MAP2: variants seen among roughly 807,000 people sequenced by gnomAD.
MAP2 encodes the protein microtubule associated protein 2, also known as microtubule-associated protein 2.
In MAP2, 14 loss-of-function variants were observed where a neutral mutation model predicts 137.6. That is an observed-to-expected ratio of 0.10 (90% CI 0.07 to 0.16). The LOEUF (loss-of-function observed/expected upper bound fraction) is 0.16. Ranked by LOEUF, MAP2 falls within the 10% of genes least tolerant of loss-of-function variation. MAP2 has a pLI of 1.00. For missense variants in MAP2, 2,088 were observed against 2,191.5 expected (o/e 0.95, Z 0.94); for synonymous variants, 786 against 782.3 (o/e 1.00, Z -0.08).
intron 1 of MAP2, among the ~76,000 whole-genome samples, chr2:209,493,993 T>C (rs1025601579): frequency 6.6e-6 from 1 of 152,218 alleles, no homozygotes; most frequent in Non-Finnish European, 1.5e-5. Flanking sequence ...TGTATGTTTA[T>C]TGCAGCACTC....
At chr2:209,699,890 A>G (rs1161040501) in intron 10 of MAP2, among the ~76,000 whole-genome samples, 1 of 152,186 alleles carries the variant, frequency 6.6e-6, no homozygotes, top group Non-Finnish European at 1.5e-5. Flanking sequence ...TCTATATATC[A>G]TGTGAACCCC....
At chr2:209,565,631 G>C (rs1002105936) in intron 2 of MAP2, among the ~76,000 whole-genome samples, 4 of 152,072 alleles carry the variant, frequency 2.6e-5, no homozygotes, top group African/African-American at 9.7e-5. Context: ...CTTATCCAAA[G>C]TTTTTTTCTT....
At position 209,693,707 on chromosome 2, in the gene MAP2, A is replaced by T; in HGVS notation, c.1537A>T (p.Thr513Ser). 1 of 1,613,124 alleles carries T rather than the reference A, an allele frequency of 6.2e-7. No individual in the cohort carries two copies. The highest frequency in any genetic ancestry group is 2.2e-5 in the East Asian group (1 of 44,848). The part of the protein sequence containing the change: ...LEQAVTDSAM[T>S]SKTLEKAMTE... ...GCAAGCAGTTACAGATTCAGCCATG[A>T]CCTCTAAAACACTGGAGAAAGCCAT... is the stretch of plus-strand genomic sequence containing the variant. Residue 513 changes from threonine (T) to serine (S), a missense_variant, in exon 8 of 16, where the codon ACC becomes TCC. Physicochemically the swap from Thr to Ser is moderately conservative, Grantham distance 58 (BLOSUM62 1). Transcript: ENST00000682079.
intron 3 of MAP2, among the ~76,000 whole-genome samples, chr2:209,609,361 A>G (rs1218101381): frequency 6.6e-6 from 1 of 152,188 alleles, no homozygotes; most frequent in Non-Finnish European, 1.5e-5. Flanking sequence ...TATAATTCAC[A>G]TATAAAAATT....
chr2:209,648,788 C>CAA (rs767514301), intron 4 of MAP2, among the ~76,000 whole-genome samples: 1,844 of 80,384 alleles, frequency 0.023, 78 homozygotes, highest in African/African-American at 0.075. Context: ...GACTCCGTCT[C>CAA]AAAAAAAAAA....
chr2:209,612,523 G>T (rs2087319503), intron 3 of MAP2, among the ~76,000 whole-genome samples: 1 of 152,138 alleles, frequency 6.6e-6, no homozygotes, highest in Non-Finnish European at 1.5e-5. Flanking sequence ...TCAGGAAATT[G>T]GGAGCCAGAA....
intron 2 of MAP2, 126 bp from the exon 3 acceptor site, chr2:209,579,910 C>G (rs867443606): frequency 2.0e-5 from 3 of 151,722 alleles, no homozygotes; most frequent in Non-Finnish European, 2.9e-5. Context: ...CTACAGACCT[C>G]CAGGCATAGA....
Position 209,730,507 on chromosome 2 carries a change from C to A in MAP2, c.*110C>A. The A allele has an allele frequency of 1.4e-6, 1 of 737,184 alleles. No individual in the cohort carries two copies. The highest frequency in any genetic ancestry group is 2.2e-6 in the Non-Finnish European group (1 of 449,202). The allele number at this position is 737,184 out of a possible 1,614,324, so 45.7% of individuals were successfully genotyped here. A position where few individuals can be genotyped will look rare whatever the true frequency, so the allele number is the denominator to read the frequency against. ...CTTTATAAACCATAAAATAAATAAT[C>A]TCATCCCCAAACTGTAGTAATTGTT... On this transcript the variant is annotated 3_prime_UTR_variant, in exon 16 of 16. Transcript: ENST00000682079.
At chr2:209,429,784 T>C (rs1693746278) in intron 1 of MAP2, among the ~76,000 whole-genome samples, 1 of 152,174 alleles carries the variant, frequency 6.6e-6, no homozygotes, top group South Asian at 2.1e-4. Context: ...TTTAGGTGGC[T>C]ACTACCTTTG....
chr2:209,451,635 C>T (rs1559178219), intron 1 of MAP2, among the ~76,000 whole-genome samples: 1 of 152,190 alleles, frequency 6.6e-6, no homozygotes, highest in Non-Finnish European at 1.5e-5. Context: ...ATCCCTTCAT[C>T]AAAAGCCCAC....
intron 3 of MAP2, among the ~76,000 whole-genome samples, chr2:209,588,957 G>T (rs1158570184): frequency 6.6e-6 from 1 of 152,236 alleles, no homozygotes; most frequent in South Asian, 2.1e-4. Context: ...AATTCTGGCT[G>T]TACTTTTCCT....
intron 1 of MAP2, among the ~76,000 whole-genome samples, chr2:209,486,666 G>A (rs6756379): frequency 0.068 from 10,300 of 152,248 alleles, 448 homozygotes; most frequent in African/African-American, 0.11. Flanking sequence ...ACCATCATTT[G>A]TAATGTTTTG....
At chr2:209,690,170 CAT>C (rs2058426308) in intron 7 of MAP2, among the ~76,000 whole-genome samples, 2 of 152,022 alleles carry the variant, frequency 1.3e-5, no homozygotes, top group South Asian at 4.1e-4. Flanking sequence ...GAAAACAGCA[CAT>C]GTCTAACAAA....
chr2:209,526,445 G>C (rs2064065011), intron 2 of MAP2, among the ~76,000 whole-genome samples: 1 of 151,326 alleles, frequency 6.6e-6, no homozygotes, highest in East Asian at 1.9e-4. Context: ...AATACAGAAG[G>C]GGGAGGCTGA....
At chr2:209,547,111 C>A (rs1472099601) in intron 2 of MAP2, among the ~76,000 whole-genome samples, 2 of 151,974 alleles carry the variant, frequency 1.3e-5, no homozygotes, top group East Asian at 3.9e-4. Flanking sequence ...ATTATAGATA[C>A]CATAAACTGG....
At chr2:209,453,957 C>T (rs1458502997) in intron 1 of MAP2, among the ~76,000 whole-genome samples, 1 of 151,966 alleles carries the variant, frequency 6.6e-6, no homozygotes. Flanking sequence ...CAAGACCAAC[C>T]TGGCTAACAC....
intron 7 of MAP2, among the ~76,000 whole-genome samples, chr2:209,691,184 A>C (rs2058780692): frequency 1.3e-5 from 2 of 151,122 alleles, no homozygotes; most frequent in African/African-American, 4.9e-5. Context: ...TTGCTAATAC[A>C]TGTATATTTT....
At chr2:209,461,004 C>A (rs916755005) in intron 1 of MAP2, among the ~76,000 whole-genome samples, 1 of 152,172 alleles carries the variant, frequency 6.6e-6, no homozygotes, top group Non-Finnish European at 1.5e-5. Flanking sequence ...CTACCTCAGC[C>A]TCCCAAAGTG....
At chr2:209,723,859 C>A (rs1190669000) in intron 13 of MAP2, among the ~76,000 whole-genome samples, 1 of 152,180 alleles carries the variant, frequency 6.6e-6, no homozygotes, top group Non-Finnish European at 1.5e-5. Flanking sequence ...TGATGGACTT[C>A]CCATCCTTCC....
Sources: allele counts gnomAD v4.1 joint callset (sites outside exome capture counted in the v4.1 genomes callset), GRCh38; gene constraint gnomAD v4.1.1; transcripts MANE v1.5; gene names NCBI Gene and HGNC (gene_info 2026-07-23, HGNC 2026-07-21).